Variants in ARL17A observed in about 807,000 individuals in gnomAD.
The protein encoded by ARL17A is ARF like GTPase 17A, also known as ADP-ribosylation factor-like 17-like.
intron 3 of ARL17A, among the ~76,000 whole-genome samples, chr17:46,543,298 T>G (rs948281425): frequency 2.2e-4 from 33 of 150,472 alleles, no homozygotes; most frequent in Non-Finnish European, 4.1e-4. Flanking sequence ...TTCATGTGTA[T>G]TGAAAAATTA....
At chr17:46,503,254 C>A in the ARL17A span, among the ~76,000 whole-genome samples, 3 of 146,016 alleles carry the variant, frequency 2.1e-5, no homozygotes, top group African/African-American at 7.9e-5. Context: ...TCCCAACAAG[C>A]GTTTCTCTTT....
At chr17:46,516,392 G>C (rs1432273282), downstream of ARL17A, among the ~76,000 whole-genome samples, 13 of 140,998 alleles carry the variant, frequency 9.2e-5, no homozygotes, top group Non-Finnish European at 3.1e-5. Flanking sequence ...GCAGACCATT[G>C]GTGCTAGAAT....
chr17:46,574,979 C>T (rs1211317746), intron 2 of ARL17A, among the ~76,000 whole-genome samples: 1 of 64,220 alleles, frequency 1.6e-5, no homozygotes, highest in African/African-American at 5.4e-5. Flanking sequence ...GTCTGTAATT[C>T]CACCTACTCA....
downstream of ARL17A, chr17:46,548,961 C>G (rs759430431): frequency 6.2e-7 from 1 of 1,612,432 alleles, no homozygotes; most frequent in South Asian, 1.1e-5. Flanking sequence ...GATGGAAAGA[C>G]TTAACCCACG....
At chr17:46,501,000 T>C in the ARL17A span, among the ~76,000 whole-genome samples, 2 of 151,154 alleles carry the variant, frequency 1.3e-5, no homozygotes, top group African/African-American at 4.9e-5. Context: ...GCTAACATGG[T>C]GAGACCCCGT....
In ARL17A at chr17:46,555,548, CGGA is replaced by C. The variant is rs1257798822; in HGVS notation, c.*1805_*1807del. 1.3e-5 allele frequency: 15 copies of C among 1,153,590 alleles called. 1 individual carries two copies. In the African/African-American group the frequency reaches 1.3e-4, roughly 10 times the overall value. 71.5% of individuals were successfully genotyped at this position (1,153,590 alleles called of 1,614,324 possible). A position where few individuals can be genotyped will look rare whatever the true frequency, so the allele number is the denominator to read the frequency against. ...TATCCCAGGGACAGCGAAGCCCCAA[CGGA>C]GGAGGAGGAGAGTGAAGCCCTGCCA... On this transcript the variant is annotated 3_prime_UTR_variant, in exon 4 of 4. Coordinates refer to ENST00000336125, the MANE Select transcript of ARL17A (RefSeq NM_001113738.2).
chr17:46,569,265 A>G (rs1166897440), intron 3 of ARL17A, among the ~76,000 whole-genome samples: 2 of 151,272 alleles, frequency 1.3e-5, no homozygotes, highest in East Asian at 1.9e-4. Context: ...ATTTGATACA[A>G]CTGGAGAAAT....
the ARL17A span, among the ~76,000 whole-genome samples, chr17:46,501,871 A>G: frequency 6.6e-6 from 1 of 151,194 alleles, no homozygotes; most frequent in African/African-American, 2.5e-5. Flanking sequence ...CTGCTTAGTA[A>G]TGACTCCAGG....
intron 4 of ARL17A, among the ~76,000 whole-genome samples, chr17:46,535,236 G>A (rs1466933677): frequency 6.7e-6 from 1 of 148,688 alleles, no homozygotes; most frequent in Non-Finnish European, 1.5e-5. Context: ...TAATCTTATT[G>A]AGGATCCCTT....
At chr17:46,575,581 T>C (rs1239074725) in intron 2 of ARL17A, among the ~76,000 whole-genome samples, 1 of 118,838 alleles carries the variant, frequency 8.4e-6, no homozygotes, top group African/African-American at 3.2e-5. Context: ...GTTTTGCCCA[T>C]TATCTTTTTC....
At chr17:46,516,294 C>G (rs2051300278), downstream of ARL17A, among the ~76,000 whole-genome samples, 2 of 88,894 alleles carry the variant, frequency 2.2e-5, no homozygotes, top group African/African-American at 3.6e-5. Context: ...CAGAGCAAGA[C>G]TCCATCTCAA....
At position 46,558,066 on chromosome 17, in the gene ARL17A, T is replaced by G. The variant is rs1024905326; in HGVS notation, c.260-436A>C. Among the ~76,000 whole-genome samples the G allele has an allele frequency of 2.2e-5, 3 of 138,518 alleles. 1 individual carries two copies. Among genetic ancestry groups the G allele is most frequent in the African/African-American group, 8.2e-5 (3 of 36,404 alleles). The allele number at this position is 138,518 out of a possible 152,430, so 90.9% of individuals were successfully genotyped here. A position where few individuals can be genotyped will look rare whatever the true frequency, so the allele number is the denominator to read the frequency against. ...GGAAATTCAGGAGTTTTGTTTGTTT[T>G]TTTTTCTTTTAAGGTGGAGTTTTGC... On this transcript the variant is annotated intron_variant, in intron 3 of 3. Coordinates refer to ENST00000336125, the MANE Select transcript of ARL17A (RefSeq NM_001113738.2).
downstream of ARL17A, among the ~76,000 whole-genome samples, chr17:46,551,209 A>T (rs1292773569): frequency 6.7e-6 from 1 of 148,962 alleles, no homozygotes; most frequent in African/African-American, 2.6e-5. Context: ...AACTTACCTA[A>T]AGCCTACATC....
rs2056983210 is a variant in ARL17A at position 46,553,229 on chromosome 17, GACT to G, written c.*4124_*4126del. 1 of 831,614 alleles carries G rather than the reference GACT, an allele frequency of 1.2e-6. No individual in the cohort carries two copies. The highest frequency in any genetic ancestry group is 1.4e-6 in the Non-Finnish European group (1 of 700,906). The allele number at this position is 831,614 out of a possible 1,614,324, so 51.5% of individuals were successfully genotyped here. The stretch of plus-strand genomic sequence containing the variant: ...CAATCCCCCGCAAGATAGCAAGGAT[GACT>G]GAACTATGGAAGAATCAAAGCAGTG... On this transcript the variant is annotated 3_prime_UTR_variant, in exon 4 of 4. Coordinates refer to ENST00000336125, the MANE Select transcript of ARL17A (RefSeq NM_001113738.2).
At chr17:46,501,219 A>G in the ARL17A span, among the ~76,000 whole-genome samples, 2 of 151,132 alleles carry the variant, frequency 1.3e-5, no homozygotes, top group African/African-American at 2.5e-5. Flanking sequence ...TCTGTTGCCT[A>G]GGCTGGAGGG....
At chr17:46,503,305 A>T in the ARL17A span, among the ~76,000 whole-genome samples, 1 of 149,192 alleles carries the variant, frequency 6.7e-6, no homozygotes, top group East Asian at 2.0e-4. Context: ...TTACTTGCTC[A>T]TTGTTTTATT....
At chr17:46,502,625 C>T in the ARL17A span, among the ~76,000 whole-genome samples, 1 of 151,328 alleles carries the variant, frequency 6.6e-6, no homozygotes, top group African/African-American at 2.5e-5. Flanking sequence ...TCTACTTTAG[C>T]ACATACACCT....
At chr17:46,569,291 G>A (rs1190815556) in intron 3 of ARL17A, among the ~76,000 whole-genome samples, 22 of 149,894 alleles carry the variant, frequency 1.5e-4, no homozygotes, top group Admixed American at 4.6e-4. Context: ...TAAGGACTAG[G>A]TGCTAGATAT....
chr17:46,526,716 A>C (rs62073315), downstream of ARL17A, among the ~76,000 whole-genome samples: 32,719 of 103,746 alleles, frequency 0.32, 10,803 homozygotes, highest in Middle Eastern at 0.52. Flanking sequence ...AGAGCTTATT[A>C]GTGGACTTAA....
Sources: gnomAD v4.1 joint callset for allele counts (sites outside exome capture counted in the v4.1 genomes callset) on GRCh38, gnomAD v4.1.1 for gene constraint, MANE v1.5 for transcripts, NCBI Gene and HGNC (gene_info 2026-07-23, HGNC 2026-07-21) for gene names.